Variants in NEBL observed in about 807,000 individuals in gnomAD.
NEBL encodes the protein nebulette, also known as LIM and SH3 protein 2.
A neutral mutation model predicts 140.2 loss-of-function variants in NEBL; 122 were observed. That is an observed-to-expected ratio of 0.87 (90% confidence interval 0.75 to 1.01). The LOEUF (loss-of-function observed/expected upper bound fraction) is 1.01. NEBL is among the 50% of genes least tolerant of loss of function. The probability of loss-of-function intolerance (pLI) is 0.00; values close to 1 mark genes in which losing one functional copy is unlikely to be tolerated. For missense variants in NEBL, 1,365 were observed against 1,231.3 expected (o/e 1.11, Z -1.62); for synonymous variants, 436 against 398.9 (o/e 1.09, Z -1.11).
chr10:20,893,726 A>C (rs1847219808), intron 2 of NEBL, among the ~76,000 whole-genome samples: 1 of 152,348 alleles, frequency 6.6e-6, no homozygotes, highest in South Asian at 2.1e-4. Context: ...AAGCTGTCTC[A>C]GTAAGGGAAA....
intron 2 of NEBL, among the ~76,000 whole-genome samples, chr10:21,103,215 CT>C (rs576823735): frequency 0.076 from 10,659 of 140,004 alleles, 488 homozygotes; most frequent in East Asian, 0.22. Flanking sequence ...TTTTCAACTC[CT>C]TTTTTTTTTT....
At chr10:21,143,306 G>A in intron 2 of NEBL, among the ~76,000 whole-genome samples, 1 of 151,810 alleles carries the variant, frequency 6.6e-6, no homozygotes, top group East Asian at 1.9e-4. Flanking sequence ...AAAATTAGCT[G>A]GGCGTGGTGG....
At chr10:20,822,045 G>C (rs1324624228) in intron 19 of NEBL, among the ~76,000 whole-genome samples, 2 of 152,102 alleles carry the variant, frequency 1.3e-5, no homozygotes, top group African/African-American at 4.8e-5. Flanking sequence ...ACAGCACTTT[G>C]CAAGAGGCAT....
Position 21,076,349 on chromosome 10 carries a change from G to C in NEBL, c.165-56148C>G, listed in dbSNP as rs145916622. The stretch of plus-strand genomic sequence containing the variant: ...AATCCCAGCTACTCAGAAGGCTGAG[G>C]CAGGAGAATCGCTTGAACCTGAGAG... On this transcript the variant is annotated intron_variant, in intron 2 of 6. Coordinates refer to the NEBL transcript ENST00000417816. Among the ~76,000 whole-genome samples, 771 of 149,632 alleles carry C rather than the reference G, an allele frequency of 5.2e-3. 12 individuals carry two copies. Among genetic ancestry groups the C allele is most frequent in the African/African-American group, 0.018 (745 of 40,578 alleles).
chr10:20,995,808 A>C (rs1421762168), intron 3 of NEBL, among the ~76,000 whole-genome samples: 2 of 152,114 alleles, frequency 1.3e-5, no homozygotes, highest in African/African-American at 4.8e-5. Flanking sequence ...TCGGCTTGAA[A>C]ATAATTATTT....
chr10:20,866,653 C>CAA (rs1844326803), intron 7 of NEBL, among the ~76,000 whole-genome samples: 1 of 152,158 alleles, frequency 6.6e-6, no homozygotes, highest in Non-Finnish European at 1.5e-5. Context: ...TTACTTCTCC[C>CAA]ATTAAATCCA....
At chr10:21,177,056 AT>A (rs565107730), upstream of NEBL, among the ~76,000 whole-genome samples, 1,638 of 151,790 alleles carry the variant, frequency 0.011, 23 homozygotes, top group African/African-American at 0.035. Flanking sequence ...TTTGTTCACA[AT>A]TTTTTTTTCC....
chr10:21,025,342 T>C (rs1245850542), intron 2 of NEBL, among the ~76,000 whole-genome samples: 2 of 152,208 alleles, frequency 1.3e-5, no homozygotes, highest in East Asian at 3.8e-4. Context: ...GAAGTGTGTG[T>C]ATCAAGACTG....
chr10:21,126,319 T>C (rs1838833059), intron 2 of NEBL, among the ~76,000 whole-genome samples: 1 of 152,222 alleles, frequency 6.6e-6, no homozygotes, highest in African/African-American at 2.4e-5. Flanking sequence ...GTTTGCTTTG[T>C]TTGGTTTCTT....
intron 2 of NEBL, among the ~76,000 whole-genome samples, chr10:21,146,985 C>G (rs661860): frequency 0.21 from 31,788 of 152,032 alleles, 3,496 homozygotes; most frequent in East Asian, 0.35. Context: ...AAGGTCCTCC[C>G]TGCCATAACG....
intron 2 of NEBL, among the ~76,000 whole-genome samples, chr10:21,026,124 CA>C (rs1839019869): frequency 6.6e-6 from 1 of 152,146 alleles, no homozygotes; most frequent in Admixed American, 6.5e-5. Context: ...CATTAGTGAA[CA>C]ACTCAGACAT....
intron 3 of NEBL, among the ~76,000 whole-genome samples, chr10:21,016,013 T>G (rs1294806841): frequency 6.6e-6 from 1 of 152,270 alleles, no homozygotes; most frequent in East Asian, 1.9e-4. Context: ...ACTATAATGT[T>G]GCTGATTCCA....
intron 2 of NEBL, among the ~76,000 whole-genome samples, chr10:21,108,652 G>A (rs1837830107): frequency 6.6e-6 from 1 of 152,152 alleles, no homozygotes; most frequent in Admixed American, 6.5e-5. Flanking sequence ...ATTTGGGGTG[G>A]AGAGTTCTGT....
At chr10:20,805,599 T>A (rs1837539865) in intron 26 of NEBL, among the ~76,000 whole-genome samples, 2 of 152,136 alleles carry the variant, frequency 1.3e-5, no homozygotes, top group Admixed American at 6.5e-5. Flanking sequence ...ATGTCTGTAA[T>A]CCTGGCATTT....
chr10:21,182,284 C>T (rs533723195), intron 3 of NEBL, among the ~76,000 whole-genome samples: 8 of 151,574 alleles, frequency 5.3e-5, no homozygotes, highest in African/African-American at 1.5e-4. Flanking sequence ...CCAGCCTGGG[C>T]AACAAAGCAA....
At chr10:20,899,363 C>A (rs562965813), upstream of NEBL, 3 of 1,293,906 alleles carry the variant, frequency 2.3e-6, no homozygotes, top group Non-Finnish European at 3.1e-6. Context: ...ACACCTATTC[C>A]CCAAGGTGAA....
At chr10:20,865,216 T>C (rs1274072745) in intron 7 of NEBL, among the ~76,000 whole-genome samples, 3 of 150,966 alleles carry the variant, frequency 2.0e-5, no homozygotes, top group African/African-American at 7.3e-5. Context: ...CATCTAAAAA[T>C]GTAGAACAGA....
chr10:20,781,648 TG>T lies in NEBL; in HGVS notation c.*4098del, dbSNP rs1266025471. 6.6e-6 allele frequency: 1 copy of T among 152,498 alleles called. No homozygotes were observed. Among genetic ancestry groups the T allele is most frequent in the Non-Finnish European group, 1.5e-5 (1 of 68,032 alleles). 9.4% of individuals were successfully genotyped at this position (152,498 alleles called of 1,614,324 possible). ...AGTCATACAGACAACTGAGAAAATT[TG>T]CTCAAAGATTCTTCCAAGTTTATGG... is the stretch of plus-strand genomic sequence containing the variant. On this transcript the variant is annotated 3_prime_UTR_variant, in exon 28 of 28. Coordinates refer to ENST00000377122, the MANE Select transcript of NEBL (RefSeq NM_006393.3).
intron 14 of NEBL, 87 bp from the exon 15 acceptor site, chr10:20,831,670 A>T (rs897201383): frequency 3.6e-6 from 3 of 838,550 alleles, no homozygotes; most frequent in Non-Finnish European, 6.0e-6. Flanking sequence ...CATTAAGACC[A>T]TGTCTTTTGG....
Sources: allele counts gnomAD v4.1 joint callset (sites outside exome capture counted in the v4.1 genomes callset), GRCh38; gene constraint gnomAD v4.1.1; transcripts MANE v1.5; gene names NCBI Gene and HGNC (gene_info 2026-07-23, HGNC 2026-07-21).